KLHDC4: variants seen among roughly 807,000 people sequenced by gnomAD.
The protein encoded by KLHDC4 is kelch domain containing 4, also known as kelch domain-containing protein 4.
A neutral mutation model predicts 62.4 loss-of-function variants in KLHDC4; 90 were observed. The ratio of observed to expected loss-of-function variants is 1.44; its 90% CI spans 1.22 to 1.72. The LOEUF (loss-of-function observed/expected upper bound fraction) is 1.72. Among genes scored for constraint, KLHDC4 ranks in the 40% most tolerant of loss-of-function variants. KLHDC4 has a pLI of 0.00. For missense variants in KLHDC4, 1,025 were observed against 699.7 expected (o/e 1.47, Z -5.25); for synonymous variants, 386 against 284.4 (o/e 1.36, Z -3.59).
chr16:87,756,979 A>G (rs2045051569), intron 2 of KLHDC4, among the ~76,000 whole-genome samples: 1 of 151,824 alleles, frequency 6.6e-6, no homozygotes, highest in Admixed American at 6.6e-5. Flanking sequence ...ACACCCAGCT[A>G]GTTTTTGTAT....
chr16:87,738,650 ACAC>A, intron 5 of KLHDC4, among the ~76,000 whole-genome samples: 1 of 128,614 alleles, frequency 7.8e-6, no homozygotes, highest in Admixed American at 8.0e-5. Flanking sequence ...ATCCATCCAC[ACAC>A]CAGCATCTCA....
intron 7 of KLHDC4, among the ~76,000 whole-genome samples, chr16:87,725,392 C>G (rs938356878): frequency 1.3e-5 from 2 of 152,154 alleles, no homozygotes; most frequent in African/African-American, 4.8e-5. Flanking sequence ...GTCTCGATCT[C>G]TTGACCTCGT....
intron 4 of KLHDC4, among the ~76,000 whole-genome samples, chr16:87,753,888 G>A (rs144728110): frequency 1.3e-5 from 2 of 149,020 alleles, no homozygotes; most frequent in African/African-American, 2.5e-5. Flanking sequence ...CAGGAGAATC[G>A]CTTGAACCCG....
At chr16:87,710,979 G>A (rs749561194) in intron 9 of KLHDC4, 24 of 483,900 alleles carry the variant, frequency 5.0e-5, no homozygotes, top group South Asian at 1.1e-4. Flanking sequence ...GGGAGGTCCC[G>A]GGCACCTCAG....
At chr16:87,735,462 G>A (rs1045061005) in intron 5 of KLHDC4, among the ~76,000 whole-genome samples, 1 of 152,194 alleles carries the variant, frequency 6.6e-6, no homozygotes, top group Admixed American at 6.5e-5. Context: ...GGCGCCCCCC[G>A]CTGCCCTAAC....
chr16:87,735,604 G>C (rs1179683559), intron 5 of KLHDC4, among the ~76,000 whole-genome samples: 1 of 152,146 alleles, frequency 6.6e-6, no homozygotes, highest in Non-Finnish European at 1.5e-5. Context: ...ACCTAAAAGG[G>C]GAAAATTTTC....
At chr16:87,758,616 T>C (rs1341638564) in intron 2 of KLHDC4, among the ~76,000 whole-genome samples, 4 of 152,050 alleles carry the variant, frequency 2.6e-5, no homozygotes, top group East Asian at 1.9e-4. Flanking sequence ...TGGGCTACAA[T>C]GGAAGAAGAA....
At chr16:87,760,554 C>G (rs1225180444) in intron 2 of KLHDC4, among the ~76,000 whole-genome samples, 1 of 146,394 alleles carries the variant, frequency 6.8e-6, no homozygotes, top group Non-Finnish European at 1.5e-5. Context: ...TTGCAGTGAA[C>G]CAAGATGGCG....
intron 7 of KLHDC4, among the ~76,000 whole-genome samples, chr16:87,716,883 G>T (rs978457486): frequency 6.6e-6 from 1 of 152,192 alleles, no homozygotes; most frequent in Non-Finnish European, 1.5e-5. Context: ...AGTGAGCCGA[G>T]ATCTCGCCAC....
At chr16:87,704,416 G>T (rs533337459), downstream of KLHDC4, among the ~76,000 whole-genome samples, 1 of 109,992 alleles carries the variant, frequency 9.1e-6, no homozygotes, top group Admixed American at 8.8e-5. Context: ...CCTGGGGAGG[G>T]TCCTGAACGT....
chr16:87,729,884 G>A (rs149612062), intron 6 of KLHDC4, among the ~76,000 whole-genome samples: 9 of 152,328 alleles, frequency 5.9e-5, no homozygotes, highest in Non-Finnish European at 1.0e-4. Context: ...TCAGAGCTGC[G>A]ATCAGCACTC....
intron 4 of KLHDC4, among the ~76,000 whole-genome samples, chr16:87,754,212 G>C (rs1377239502): frequency 6.6e-6 from 1 of 152,078 alleles, no homozygotes; most frequent in African/African-American, 2.4e-5. Flanking sequence ...CAGGTGTGGT[G>C]AGGGGTGCCT....
chr16:87,748,353 C>T (rs557041711), intron 5 of KLHDC4, among the ~76,000 whole-genome samples: 1 of 152,266 alleles, frequency 6.6e-6, no homozygotes, highest in African/African-American at 2.4e-5. Context: ...AGCTGGGCAC[C>T]CAGAGCTGCC....
At chr16:87,736,221 G>A (rs543310763) in intron 5 of KLHDC4, among the ~76,000 whole-genome samples, 28 of 152,312 alleles carry the variant, frequency 1.8e-4, no homozygotes, top group African/African-American at 6.7e-4. Flanking sequence ...GGACAGCACA[G>A]TACTGTCCCA....
chr16:87,703,465 G>C (rs971979444), downstream of KLHDC4: 1 of 152,446 alleles, frequency 6.6e-6, no homozygotes, highest in Non-Finnish European at 1.5e-5. Context: ...AAAATAACCA[G>C]AGAGGCAGGC....
chr16:87,723,871 C>G (rs1039377032), intron 7 of KLHDC4, among the ~76,000 whole-genome samples: 17 of 152,188 alleles, frequency 1.1e-4, no homozygotes, highest in African/African-American at 3.9e-4. Flanking sequence ...GAGTCTTGCT[C>G]TATTGCCCAG....
chr16:87,701,535 A>G, exon 1 of KLHDC4: 2 of 380,414 alleles, frequency 5.3e-6, no homozygotes, highest in Non-Finnish European at 1.1e-5. Flanking sequence ...CACAGGCCAC[A>G]GTGTGGGCGT....
intron 3 of KLHDC4, 81 bp from the exon 4 acceptor site, chr16:87,755,373 T>G: frequency 2.6e-6 from 2 of 759,008 alleles, no homozygotes; most frequent in Non-Finnish European, 2.3e-6. Context: ...ATCATGACAA[T>G]TCCCTGGGAA....
chr16:87,701,381 T>G, exon 1 of KLHDC4: 1 of 323,466 alleles, frequency 3.1e-6, no homozygotes. Context: ...CTCCCAAGCT[T>G]CAGCCCACCC....
Sources: gnomAD v4.1 joint callset for allele counts (sites outside exome capture counted in the v4.1 genomes callset) on GRCh38, gnomAD v4.1.1 for gene constraint, MANE v1.5 for transcripts, NCBI Gene and HGNC (gene_info 2026-07-23, HGNC 2026-07-21) for gene names.